The following AGBL4 variants were observed in gnomAD, a reference collection of about 807,000 sequenced individuals.
The protein encoded by AGBL4 is cytosolic carboxypeptidase 6.
Under a neutral mutation model 66.4 loss-of-function variants are expected in AGBL4, and 58 were observed. The ratio of observed to expected loss-of-function variants is 0.87; its 90% confidence interval spans 0.71 to 1.09. AGBL4 has a LOEUF of 1.09. AGBL4 is among the 50% of genes least tolerant of loss of function. The pLI, the probability that AGBL4 is intolerant of heterozygous loss-of-function variation, is 0.00. For synonymous variants in AGBL4, 234 were observed against 222.9 expected, an observed-to-expected ratio of 1.05 and a Z score of -0.44; for missense variants, 579 against 631.0, an observed-to-expected ratio of 0.92 and a Z score of 0.88.
At chr1:48,777,077 T>C in intron 6 of AGBL4, 4 of 288,522 alleles carry the variant, frequency 1.4e-5, no homozygotes, top group East Asian at 6.6e-5. Flanking sequence ...ATGAGGGGGG[T>C]TTGGAAGCGC....
intron 2 of AGBL4, among the ~76,000 whole-genome samples, chr1:49,823,809 T>TGTAC (rs1645433685): frequency 6.6e-6 from 1 of 150,584 alleles, no homozygotes; most frequent in African/African-American, 2.4e-5. Flanking sequence ...TGTGTGTGTG[T>TGTAC]ACATACACAC....
intron 3 of AGBL4, among the ~76,000 whole-genome samples, chr1:49,462,001 G>C (rs935847130): frequency 4.0e-5 from 6 of 151,826 alleles, no homozygotes; most frequent in Admixed American, 6.6e-5. Flanking sequence ...GGGATTGCTA[G>C]GTCAAATGGT....
At chr1:49,994,924 G>C (rs1423066975) in intron 1 of AGBL4, 1 of 353,536 alleles carries the variant, frequency 2.8e-6, no homozygotes, top group Non-Finnish European at 5.6e-6. Context: ...CTGGAGCTGA[G>C]ACAAATATAA....
chr1:48,817,952 C>T lies in AGBL4; in HGVS notation c.634+49239G>A, dbSNP rs140045850. The T allele has an allele frequency of 3.0e-3, 2,005 of 658,662 alleles. 15 individuals carry two copies. The highest frequency in any genetic ancestry group is 0.016 in the African/African-American group (895 of 55,348). 40.8% of individuals were successfully genotyped at this position (658,662 alleles called of 1,614,324 possible). On this transcript the variant is annotated intron_variant, in intron 6 of 13. Transcript: ENST00000371839. ...GTAGTCAGTAGGCAAAAAGCTAATA[C>T]GTTCCTGTTTGTCCAGAGCCTCAGT...
chr1:49,353,482 T>A (rs1319250895), intron 3 of AGBL4, among the ~76,000 whole-genome samples: 1 of 152,172 alleles, frequency 6.6e-6, no homozygotes, highest in African/African-American at 2.4e-5. Context: ...TACTTATACA[T>A]GATCCACAGT....
At chr1:49,939,258 G>A (rs554975401) in intron 1 of AGBL4, among the ~76,000 whole-genome samples, 6 of 149,518 alleles carry the variant, frequency 4.0e-5, no homozygotes, top group East Asian at 2.0e-4. Flanking sequence ...AATCAATATC[G>A]TGAAAATGGC....
chr1:49,529,942 GAA>G (rs1188922566), intron 3 of AGBL4, among the ~76,000 whole-genome samples: 1 of 151,828 alleles, frequency 6.6e-6, no homozygotes, highest in East Asian at 1.9e-4. Context: ...TTTAAGAGGT[GAA>G]AGAGGAAAAG....
chr1:49,488,785 G>C (rs1209187649), intron 3 of AGBL4, among the ~76,000 whole-genome samples: 4 of 151,664 alleles, frequency 2.6e-5, no homozygotes, highest in African/African-American at 9.7e-5. Flanking sequence ...ACAAATAAGT[G>C]AGAACATGCA....
At chr1:49,526,169 G>A (rs1257785533) in intron 3 of AGBL4, among the ~76,000 whole-genome samples, 2 of 151,980 alleles carry the variant, frequency 1.3e-5, no homozygotes, top group Non-Finnish European at 2.9e-5. Flanking sequence ...AACACCTACT[G>A]GATGAACAAA....
At chr1:49,533,008 C>G (rs1651258443) in intron 3 of AGBL4, among the ~76,000 whole-genome samples, 1 of 152,158 alleles carries the variant, frequency 6.6e-6, no homozygotes, top group Non-Finnish European at 1.5e-5. Context: ...TTCCACAGTA[C>G]AATTCTGCTA....
chr1:49,710,910 A>G (rs1306078337), intron 2 of AGBL4, among the ~76,000 whole-genome samples: 1 of 151,914 alleles, frequency 6.6e-6, no homozygotes, highest in African/African-American at 2.4e-5. Context: ...TTAAAAAATA[A>G]GCAAAAGATC....
chr1:48,863,589 T>C (rs1227115711), intron 6 of AGBL4, among the ~76,000 whole-genome samples: 1 of 152,032 alleles, frequency 6.6e-6, no homozygotes. Flanking sequence ...AATAAGACAA[T>C]GTTGAATCGA....
intron 4 of AGBL4, among the ~76,000 whole-genome samples, chr1:49,128,859 T>C (rs1231283544): frequency 2.0e-5 from 3 of 151,766 alleles, no homozygotes; most frequent in Non-Finnish European, 2.9e-5. Flanking sequence ...GAAGATAATA[T>C]GATAAAAATG....
chr1:49,412,010 A>G (rs1645325847), intron 3 of AGBL4, among the ~76,000 whole-genome samples: 1 of 152,144 alleles, frequency 6.6e-6, no homozygotes, highest in Non-Finnish European at 1.5e-5. Context: ...TAGACCAATC[A>G]ATTTCTCTAA....
intron 2 of AGBL4, among the ~76,000 whole-genome samples, chr1:49,701,849 G>T (rs1027172705): frequency 6.6e-6 from 1 of 151,914 alleles, no homozygotes; most frequent in African/African-American, 2.4e-5. Flanking sequence ...AAATGAAATG[G>T]CATTTGTCGT....
At chr1:48,977,153 C>G (rs1659402546) in intron 5 of AGBL4, among the ~76,000 whole-genome samples, 1 of 152,112 alleles carries the variant, frequency 6.6e-6, no homozygotes, top group African/African-American at 2.4e-5. Flanking sequence ...TGCATGAATA[C>G]CGAGTACAAT....
intron 3 of AGBL4, among the ~76,000 whole-genome samples, chr1:49,688,688 C>T (rs2124585454): frequency 6.6e-6 from 1 of 152,258 alleles, no homozygotes; most frequent in African/African-American, 2.4e-5. Context: ...TACATGCCCA[C>T]TCACAATGTA....
chr1:49,933,078 T>C (rs1477436656), intron 1 of AGBL4, among the ~76,000 whole-genome samples: 2 of 151,860 alleles, frequency 1.3e-5, no homozygotes, highest in Admixed American at 6.6e-5. Context: ...GCCCAAAATA[T>C]CCCAAACAGG....
At chr1:49,549,476 G>T (rs1039506667) in intron 3 of AGBL4, among the ~76,000 whole-genome samples, 12 of 151,958 alleles carry the variant, frequency 7.9e-5, no homozygotes, top group Non-Finnish European at 1.3e-4. Context: ...TTGATAGGTT[G>T]TGTCATTATT....
Sources: allele counts gnomAD v4.1 joint callset (sites outside exome capture counted in the v4.1 genomes callset), GRCh38; gene constraint gnomAD v4.1.1; transcripts MANE v1.5; gene names NCBI Gene and HGNC (gene_info 2026-07-23, HGNC 2026-07-21).